The following TLL2 variants were observed in gnomAD, a reference collection of about 807,000 sequenced individuals.
TLL2 encodes tolloid-like protein 2.
TLL2 carries 106 observed loss-of-function variants against 123.0 expected under a neutral mutation model. The ratio of observed to expected loss-of-function variants is 0.86; its 90% CI spans 0.74 to 1.01. TLL2 has a LOEUF of 1.01. Ranked by LOEUF, TLL2 falls within the 50% of genes least tolerant of loss-of-function variation. The pLI, the probability that TLL2 is intolerant of heterozygous loss-of-function variation, is 0.00. For synonymous variants in TLL2, 494 were observed against 516.8 expected (o/e 0.96, Z 0.60); for missense variants, 1,332 against 1,336.7 (o/e 1.00, Z 0.06).
intron 11 of TLL2, 70 bp from the exon 12 acceptor site, chr10:96,396,090 G>A (rs1695141571): frequency 1.3e-6 from 2 of 1,555,472 alleles, no homozygotes; most frequent in South Asian, 2.5e-5. Flanking sequence ...GGAAGGTTGG[G>A]GAGGCGGGGG....
intron 1 of TLL2, among the ~76,000 whole-genome samples, chr10:96,483,935 C>G (rs779547431): frequency 3.3e-5 from 5 of 152,196 alleles, no homozygotes; most frequent in Non-Finnish European, 2.9e-5. Flanking sequence ...CTCTGCCTCC[C>G]AGATTCAAGC....
Position 96,480,437 on chromosome 10 carries a change from G to A in TLL2, c.198C>T (p.Ala66=), listed in dbSNP as rs180941866. The part of the protein sequence containing the change: ...CKAAVFWGDI[A]LDEDDLKLFH... ...ACAGCTTCAAGTCATCTTCATCTAA[G>A]GCAATGTCTCCCCAAAAGACAGCTG... Residue 66 remains alanine (A), a synonymous_variant, in exon 2 of 21, where the codon GCC becomes GCT. Coordinates refer to ENST00000357947, the MANE Select transcript of TLL2 (RefSeq NM_012465.4). 5.0e-6 allele frequency: 8 copies of A among 1,614,144 alleles called. No homozygotes were observed. In the East Asian group the frequency reaches 8.9e-5, roughly 18 times the overall value.
At chr10:96,470,062 G>A (rs909370392) in intron 2 of TLL2, among the ~76,000 whole-genome samples, 3 of 152,172 alleles carry the variant, frequency 2.0e-5, no homozygotes, top group Non-Finnish European at 4.4e-5. Context: ...ACCCCAGCAA[G>A]CTCTCCCCGG....
Position 96,432,822 on chromosome 10 carries a change from C to T in TLL2, c.505G>A (p.Gly169Arg), listed in dbSNP as rs753329704. 5.0e-6 allele frequency: 8 copies of T among 1,613,994 alleles called. No homozygotes were observed. The highest frequency in any genetic ancestry group is 5.9e-6 in the Non-Finnish European group (7 of 1,179,958). ...WPGGVIPYVI[G>R]GNFTGSQRAI... ...GGCTACTGACCAGTGAAGTTCCCTC[C>T]AATGACGTAGGGGATGACTCCTCCA... is the stretch of plus-strand genomic sequence containing the variant. The change falls in exon 4 of 21, where the codon GGA becomes AGA. Residue 169 changes from glycine to arginine, a missense_variant. By Grantham distance (125) the Gly-to-Arg change is moderately radical. Coordinates refer to ENST00000357947, the MANE Select transcript of TLL2 (RefSeq NM_012465.4).
In TLL2 at chr10:96,366,399, C is replaced by T. The variant is rs977686260; in HGVS notation, c.*1689G>A. 2 of 152,654 alleles carry T rather than the reference C, an allele frequency of 1.3e-5. No individual in the cohort carries two copies. The highest frequency in any genetic ancestry group is 4.8e-5 in the African/African-American group (2 of 41,450). 9.5% of individuals were successfully genotyped at this position (152,654 alleles called of 1,614,324 possible). Reference sequence around the variant, plus strand: ...GCGAGGACCAGGGGTTGGCATTTTCCACACTGCATTGATTAAGGCTTTGAC... The same window carrying T: ...GCGAGGACCAGGGGTTGGCATTTTCTACACTGCATTGATTAAGGCTTTGAC... On this transcript the variant is annotated 3_prime_UTR_variant, in exon 21 of 21. Coordinates refer to ENST00000357947, the MANE Select transcript of TLL2 (RefSeq NM_012465.4).
chr10:96,370,284 C>T lies in TLL2; in HGVS notation c.2694G>A (p.Gln898=), dbSNP rs1846069506. 1 of 1,599,720 alleles carries T rather than the reference C, an allele frequency of 6.3e-7. No individual in the cohort carries two copies. Among genetic ancestry groups the T allele is most frequent in the South Asian group, 1.1e-5 (1 of 88,098 alleles). The stretch of plus-strand genomic sequence containing the variant: ...GGGCGTGGGAATAGAGCTCTTTGGT[C>T]TGCACTTCAGCCTTCAGCCTGCCCC... ...ECGGRLKAEV[Q]TKELYSHAQF... The change falls in exon 20 of 21, where the codon CAG becomes CAA. Residue 898 remains glutamine (Q), a synonymous_variant. Transcript: ENST00000357947.
At chr10:96,422,375 A>G (rs944566897) in intron 6 of TLL2, among the ~76,000 whole-genome samples, 174 bp downstream of exon 6, 3 of 152,192 alleles carry the variant, frequency 2.0e-5, no homozygotes, top group African/African-American at 7.2e-5. Flanking sequence ...CCAGGAAGCC[A>G]CAGATGGACA....
intron 1 of TLL2, among the ~76,000 whole-genome samples, chr10:96,491,337 G>A (rs552428889): frequency 6.7e-6 from 1 of 148,744 alleles, no homozygotes; most frequent in Non-Finnish European, 1.5e-5. Flanking sequence ...AGCTGAGATT[G>A]CACCATTGCA....
intron 1 of TLL2, among the ~76,000 whole-genome samples, chr10:96,509,443 G>C (rs1847606507): frequency 6.6e-6 from 1 of 152,232 alleles, no homozygotes; most frequent in Non-Finnish European, 1.5e-5. Context: ...TAATTTGGGA[G>C]GCATTCTGTA....
chr10:96,473,018 C>T (rs529347712), intron 2 of TLL2, among the ~76,000 whole-genome samples: 3 of 151,342 alleles, frequency 2.0e-5, no homozygotes, highest in Admixed American at 6.6e-5. Flanking sequence ...CTCAAACTGG[C>T]TTGAAGGAAG....
At chr10:96,369,962 A>G (rs1478069325) in intron 20 of TLL2, 103 bp downstream of exon 20, 1 of 1,449,148 alleles carries the variant, frequency 6.9e-7, no homozygotes, top group African/African-American at 1.4e-5. Context: ...GTTGCTCCTA[A>G]GTGGAGTAGG....
intron 2 of TLL2, among the ~76,000 whole-genome samples, chr10:96,458,915 C>T (rs977635542): frequency 1.3e-5 from 2 of 152,036 alleles, no homozygotes; most frequent in African/African-American, 4.8e-5. Context: ...GGCAACATTA[C>T]AAGACCCTTG....
At chr10:96,477,032 C>T (rs1318982577) in intron 2 of TLL2, among the ~76,000 whole-genome samples, 63 of 110,794 alleles carry the variant, frequency 5.7e-4, no homozygotes, top group Admixed American at 1.0e-3. Flanking sequence ...AGCTACTGGA[C>T]TTTTTTTTTT....
rs1846243217 is a variant in TLL2, at chr10:96,387,097, G to A, written c.1727-19C>T. 1 of 1,609,302 alleles carries A rather than the reference G, an allele frequency of 6.2e-7. No homozygotes were observed. The highest frequency in any genetic ancestry group is 8.5e-7 in the Non-Finnish European group (1 of 1,176,320). The stretch of plus-strand genomic sequence containing the variant: ...TCCACCTCTGGTGGGGAAGGAAGGT[G>A]ACCCCGGTTACATTGTCAGGAAGCC... On this transcript the variant is annotated intron_variant, in intron 13 of 20. Coordinates refer to ENST00000357947, the MANE Select transcript of TLL2 (RefSeq NM_012465.4).
chr10:96,505,738 T>C (rs902168723), intron 1 of TLL2, among the ~76,000 whole-genome samples: 2 of 152,186 alleles, frequency 1.3e-5, no homozygotes, highest in Non-Finnish European at 2.9e-5. Flanking sequence ...ACAATTCAGT[T>C]CACTCCACAC....
At chr10:96,427,710 T>G (rs560027638) in intron 5 of TLL2, among the ~76,000 whole-genome samples, 1 of 152,370 alleles carries the variant, frequency 6.6e-6, no homozygotes, top group Non-Finnish European at 1.5e-5. Flanking sequence ...CTTTTACTTT[T>G]AAACCTCTCT....
intron 17 of TLL2, among the ~76,000 whole-genome samples, chr10:96,378,492 A>G (rs1481516390): frequency 6.6e-6 from 1 of 152,260 alleles, no homozygotes; most frequent in Non-Finnish European, 1.5e-5. Flanking sequence ...AATATATGAC[A>G]AAGACATAAA....
chr10:96,369,391 T>A (rs1846057726), intron 20 of TLL2, among the ~76,000 whole-genome samples: 2 of 152,152 alleles, frequency 1.3e-5, no homozygotes. Flanking sequence ...TGGTTTTGCT[T>A]GAGGAGAGAA....
At position 96,367,119 on chromosome 10, in the gene TLL2, C is replaced by T. The variant is rs952912318; in HGVS notation, c.*969G>A. 1 of 152,264 alleles carries T rather than the reference C, an allele frequency of 6.6e-6. No homozygotes were observed. The highest frequency in any genetic ancestry group is 1.5e-5 in the Non-Finnish European group (1 of 68,050). 9.4% of individuals were successfully genotyped at this position (152,264 alleles called of 1,614,324 possible). On this transcript the variant is annotated 3_prime_UTR_variant, in exon 21 of 21. Coordinates refer to ENST00000357947, the MANE Select transcript of TLL2 (RefSeq NM_012465.4). ...TAACTTATAATTAACCAGTCTTCAACAGTGTTCACCCCATAAGGGACCTGA... is the reference window on the plus strand; with the variant it reads ...TAACTTATAATTAACCAGTCTTCAATAGTGTTCACCCCATAAGGGACCTGA...
Sources: allele counts gnomAD v4.1 joint callset (sites outside exome capture counted in the v4.1 genomes callset), GRCh38; gene constraint gnomAD v4.1.1; transcripts MANE v1.5; gene names NCBI Gene and HGNC (gene_info 2026-07-23, HGNC 2026-07-21).